Variants in FES observed in about 807,000 individuals in gnomAD.
FES encodes tyrosine-protein kinase Fes/Fps.
In FES, 83 loss-of-function variants were observed where a neutral mutation model predicts 109.6. The observed-to-expected ratio is 0.76, with a 90% confidence interval of 0.63 to 0.91. FES has a LOEUF of 0.91. Ranked by LOEUF, FES falls within the 40% of genes least tolerant of loss-of-function variation. FES has a pLI of 0.00. For missense variants in FES, 943 were observed against 1,070.9 expected (o/e 0.88, Z 1.67); for synonymous variants, 458 against 442.1 (o/e 1.04, Z -0.45).
rs760787408 is a variant in FES, at chr15:90,890,955, A to T, written c.1321-27A>T. The T allele has an allele frequency of 1.3e-5, 20 of 1,551,772 alleles. No homozygotes were observed. In the African/African-American group the frequency reaches 2.3e-4, roughly 18 times the overall value. On this transcript the variant is annotated intron_variant, in intron 10 of 18. Coordinates refer to ENST00000328850, the MANE Select transcript of FES (RefSeq NM_002005.4). ...GCCTCTTCAACAAGGTGGTTAAGTGACTCCTCCTCGATCCTCCCTTGCCCA... is the reference window on the plus strand; with the variant it reads ...GCCTCTTCAACAAGGTGGTTAAGTGTCTCCTCCTCGATCCTCCCTTGCCCA...
chr15:90,893,344 A>G lies in FES; in HGVS notation c.1975A>G (p.Thr659Ala). The G allele has an allele frequency of 6.4e-7, 1 of 1,574,278 alleles. No homozygotes were observed. Among genetic ancestry groups the G allele is most frequent in the South Asian group, 1.2e-5 (1 of 85,286 alleles). Residue 659 changes from threonine (T) to alanine (A), a missense_variant, in exon 16 of 19, where the codon ACT becomes GCT. Physicochemically the swap from Thr to Ala is moderately conservative, Grantham distance 58 (BLOSUM62 0). Transcript: ENST00000328850. The stretch of plus-strand genomic sequence containing the variant: ...GGAGGGGGCCCGCCTGCGGGTGAAG[A>G]CTCTGCTGCAGATGGTGGGGGATGC... The part of the protein sequence containing the change: ...RTEGARLRVK[T>A]LLQMVGDAAA...
Position 90,887,174 on chromosome 15 carries a change from C to T in FES, c.485-13C>T, listed in dbSNP as rs759560947. The stretch of plus-strand genomic sequence containing the variant: ...CATGCTGTCATCTATACCCCTTGCC[C>T]CCCTTCTGGCAGACAAGGACCGTGA... On this transcript the variant is annotated splice_polypyrimidine_tract_variant and intron_variant, in intron 4 of 18. Transcript: ENST00000328850. 14 of 1,612,270 alleles carry T rather than the reference C, an allele frequency of 8.7e-6. No individual in the cohort carries two copies. The highest frequency in any genetic ancestry group is 1.2e-5 in the Non-Finnish European group (14 of 1,178,748).
intron 12 of FES, among the ~76,000 whole-genome samples, 160 bp from the exon 13 acceptor site, chr15:90,891,898 G>A (rs914058980): frequency 1.2e-4 from 19 of 152,224 alleles, no homozygotes; most frequent in African/African-American, 4.3e-4. Flanking sequence ...TACCTGGTCA[G>A]GGCACCTGCC....
At chr15:90,892,458 C>A in intron 13 of FES, 1 of 581,886 alleles carries the variant, frequency 1.7e-6, no homozygotes, top group Non-Finnish European at 3.1e-6. Context: ...CTTTTCAAAC[C>A]CAAGGGAGAG....
intron 14 of FES, 121 bp downstream of exon 14, chr15:90,892,946 T>A (rs1429125382): frequency 9.1e-6 from 12 of 1,317,746 alleles, no homozygotes; most frequent in Non-Finnish European, 1.3e-5. Context: ...CCATTGCGGG[T>A]AGTACCCCCT....
In FES at chr15:90,887,146, C is replaced by G. The variant is rs768025740; in HGVS notation, c.485-41C>G. 2.7e-5 allele frequency: 44 copies of G among 1,611,792 alleles called. 1 individual carries two copies. In the South Asian group the frequency reaches 4.6e-4, roughly 17 times the overall value. On this transcript the variant is annotated intron_variant, in intron 4 of 18. Transcript: ENST00000328850. ...CCCAGAGAGTGGGGGCTGCCTGGGC[C>G]TCCATGCTGTCATCTATACCCCTTG...
chr15:90,885,406 G>A lies in FES; in HGVS notation c.214-6G>A, dbSNP rs7177338. The A allele has an allele frequency of 0.54, 873,874 of 1,610,584 alleles. 240,398 individuals carry two copies. Among genetic ancestry groups the A allele is most frequent in the East Asian group, 0.82 (36,647 of 44,834 alleles). On this transcript the variant is annotated splice_region_variant and splice_polypyrimidine_tract_variant and intron_variant, in intron 2 of 18. Coordinates refer to ENST00000328850, the MANE Select transcript of FES (RefSeq NM_002005.4). ...CCTCCCTGCCTCCCCCATCTGTGCT[G>A]TATAGTCCTGGGCTGAGATCACCAG...
At chr15:90,891,828 C>G in intron 12 of FES, 152 bp downstream of exon 12, 1 of 1,291,512 alleles carries the variant, frequency 7.7e-7, no homozygotes, top group African/African-American at 1.5e-5. Context: ...CAGCCTTGCT[C>G]TAGGTTTGGA....
In FES at chr15:90,892,127, C is replaced by T; in HGVS notation, c.1707+16C>T. On this transcript the variant is annotated intron_variant, in intron 13 of 18. Coordinates refer to ENST00000328850, the MANE Select transcript of FES (RefSeq NM_002005.4). ...GATTGGACGGGTGAGTGCGCCTCTGCTGGCCTCCTTGTCGCTGGCGACTTC... is the reference window on the plus strand; with the variant it reads ...GATTGGACGGGTGAGTGCGCCTCTGTTGGCCTCCTTGTCGCTGGCGACTTC... 6.2e-7 allele frequency: 1 copy of T among 1,613,916 alleles called. No individual in the cohort carries two copies. The highest frequency in any genetic ancestry group is 8.5e-7 in the Non-Finnish European group (1 of 1,179,944).
intron 1 of FES, 81 bp from the exon 2 acceptor site, chr15:90,884,956 A>T: frequency 8.4e-7 from 1 of 1,191,990 alleles, no homozygotes; most frequent in Non-Finnish European, 1.2e-6. Context: ...TCCTGACCCT[A>T]CAGTCCCCAG....
In FES at chr15:90,886,125, A is replaced by G. The variant is rs184790835; in HGVS notation, c.387+540A>G. 3.9e-5 allele frequency among the ~76,000 whole-genome samples: 6 copies of G among 151,990 alleles called. No individual in the cohort carries two copies. The East Asian group carries it at 9.7e-4, about 24-fold the overall frequency. ...AGTGCCCCCATTCAGTGTGCTGGTC[A>G]CCCTCCCTGCACCACACCCCTTCCT... On this transcript the variant is annotated intron_variant, in intron 3 of 18. Transcript: ENST00000328850.
intron 5 of FES, among the ~76,000 whole-genome samples, chr15:90,888,538 C>T (rs923080450): frequency 2.6e-5 from 4 of 151,386 alleles, no homozygotes; most frequent in South Asian, 2.1e-4. Context: ...GCCACTAGGA[C>T]GGGGAGGTAG....
At position 90,889,249 on chromosome 15, in the gene FES, T is replaced by C; in HGVS notation, c.669-57T>C. On this transcript the variant is annotated intron_variant, in intron 5 of 18. Transcript: ENST00000328850. The surrounding 1 kb of genome is among the most constrained non-coding windows in gnomAD (Gnocchi z 6.1). ...CAAACCCAGGGTCCTAGGCCTGAACTGCCCAGCCTTGCCCAGCCTGAGGCT... is the reference window on the plus strand; with the variant it reads ...CAAACCCAGGGTCCTAGGCCTGAACCGCCCAGCCTTGCCCAGCCTGAGGCT... 7 of 1,599,706 alleles carry C rather than the reference T, an allele frequency of 4.4e-6. No individual in the cohort carries two copies. The South Asian group carries it at 5.6e-5, about 13-fold the overall frequency.
chr15:90,885,371 A>ATTGTGC, intron 2 of FES, 41 bp from the exon 3 acceptor site: 2 of 1,597,796 alleles, frequency 1.3e-6, no homozygotes, highest in Non-Finnish European at 8.5e-7. Flanking sequence ...CTTGGGAGCC[A>ATTGTGC]TTGTGCCCCC....
intron 13 of FES, 122 bp from the exon 14 acceptor site, chr15:90,892,585 C>A: frequency 2.4e-6 from 2 of 829,924 alleles, no homozygotes; most frequent in Non-Finnish European, 3.8e-6. Context: ...TCCCAGAGAG[C>A]CTGGGTGAGG....
At position 90,890,212 on chromosome 15, in the gene FES, C is replaced by T; in HGVS notation, c.1170C>T (p.His390=). ...QQELLQTKLE[H]LGPGEPPPVL... is the part of the protein sequence containing the mutation. ...AGTTGCTGCAGACCAAGCTGGAGCA[C>T]CTGGGCCCCGGCGAGCCCCCGCCTG... The change falls in exon 9 of 19, where the codon CAC becomes CAT. Residue 390 remains histidine, a synonymous_variant. Coordinates refer to ENST00000328850, the MANE Select transcript of FES (RefSeq NM_002005.4). 6.2e-7 allele frequency: 1 copy of T among 1,601,464 alleles called. No individual in the cohort carries two copies. Among genetic ancestry groups the T allele is most frequent in the Non-Finnish European group, 8.5e-7 (1 of 1,179,046 alleles).
At chr15:90,891,331 C>T (rs1020402719) in intron 11 of FES, 140 bp downstream of exon 11, 3 of 1,146,388 alleles carry the variant, frequency 2.6e-6, no homozygotes, top group South Asian at 2.9e-5. Flanking sequence ...GAAGGGGCCA[C>T]AGAGACCACC....
intron 18 of FES, among the ~76,000 whole-genome samples, chr15:90,894,747 CAG>C (rs1555432574): frequency 2.0e-5 from 3 of 150,988 alleles, no homozygotes; most frequent in Non-Finnish European, 4.4e-5. Flanking sequence ...ACCTGGGTGA[CAG>C]AGAGAGAGAG....
At chr15:90,893,467 G>A in intron 16 of FES, 53 bp downstream of exon 16, 1 of 1,513,530 alleles carries the variant, frequency 6.6e-7, no homozygotes, top group East Asian at 2.3e-5. Context: ...AGAGTCAAGA[G>A]GTACCTATAC....
Sources: allele counts gnomAD v4.1 joint callset (sites outside exome capture counted in the v4.1 genomes callset), GRCh38; gene constraint gnomAD v4.1.1; non-coding constraint Gnocchi (gnomAD v3.1); transcripts MANE v1.5; gene names NCBI Gene and HGNC (gene_info 2026-07-23, HGNC 2026-07-21).